Variants in ALK observed in about 807,000 individuals in gnomAD.
ALK encodes ALK receptor tyrosine kinase, also known as ALK tyrosine kinase receptor.
Under a neutral mutation model 163.1 loss-of-function variants are expected in ALK, and 74 were observed. The ratio of observed to expected loss-of-function variants is 0.45; its 90% CI spans 0.38 to 0.55. ALK has a LOEUF of 0.55. ALK is among the 20% of genes least tolerant of loss of function. The pLI is 0.00. For missense variants in ALK, 2,063 were observed against 2,105.3 expected, an observed-to-expected ratio of 0.98 and a Z score of 0.39; for synonymous variants, 960 against 843.2, an observed-to-expected ratio of 1.14 and a Z score of -2.40.
intron 1 of ALK, among the ~76,000 whole-genome samples, chr2:29,788,922 G>C (rs937923033): frequency 1.3e-5 from 2 of 152,014 alleles, no homozygotes; most frequent in Non-Finnish European, 2.9e-5. Context: ...GAAGGTAAAA[G>C]AGTTAGTAGA....
chr2:29,900,876 G>A (rs937595260), intron 1 of ALK, among the ~76,000 whole-genome samples: 1 of 152,208 alleles, frequency 6.6e-6, no homozygotes, highest in African/African-American at 2.4e-5. Flanking sequence ...GACAAGGGAA[G>A]TGAGTGACAG....
intron 26 of ALK, among the ~76,000 whole-genome samples, chr2:29,203,627 C>T (rs2148148911): frequency 6.6e-6 from 1 of 150,614 alleles, no homozygotes; most frequent in Admixed American, 6.7e-5. Context: ...GCTGGGATTA[C>T]AGGCACCCGC....
intron 16 of ALK, among the ~76,000 whole-genome samples, chr2:29,228,115 C>G (rs1280624551): frequency 6.6e-6 from 1 of 152,184 alleles, no homozygotes; most frequent in African/African-American, 2.4e-5. Context: ...CCCTGAGGCT[C>G]CCGTCCCTCC....
At chr2:29,830,302 G>A (rs1220998628) in intron 1 of ALK, among the ~76,000 whole-genome samples, 1 of 152,146 alleles carries the variant, frequency 6.6e-6, no homozygotes, top group Non-Finnish European at 1.5e-5. Flanking sequence ...CAAAAAGTAG[G>A]GTTGTTGCTA....
At chr2:29,295,119 G>T (rs1666137546) in intron 9 of ALK, among the ~76,000 whole-genome samples, 1 of 152,160 alleles carries the variant, frequency 6.6e-6, no homozygotes, top group Admixed American at 6.5e-5. Flanking sequence ...ATCAAACCAA[G>T]CTGTCTTTTG....
chr2:29,322,356 C>T (rs1470804692), intron 6 of ALK, among the ~76,000 whole-genome samples: 1 of 151,954 alleles, frequency 6.6e-6, no homozygotes, highest in Non-Finnish European at 1.5e-5. Context: ...CATTTATACC[C>T]CCCTGAAGAA....
chr2:29,774,749 C>T (rs1372224237), intron 1 of ALK, among the ~76,000 whole-genome samples: 1 of 152,172 alleles, frequency 6.6e-6, no homozygotes, highest in African/African-American at 2.4e-5. Context: ...AGGCACCACT[C>T]TAGACCAGAC....
At chr2:29,874,397 A>G (rs1572457617) in intron 1 of ALK, among the ~76,000 whole-genome samples, 1 of 152,312 alleles carries the variant, frequency 6.6e-6, no homozygotes, top group Non-Finnish European at 1.5e-5. Flanking sequence ...AATATCAGAT[A>G]AGCCAGATCA....
chr2:29,336,921 A>G (rs777939290), intron 5 of ALK, among the ~76,000 whole-genome samples: 14 of 152,056 alleles, frequency 9.2e-5, no homozygotes, highest in Non-Finnish European at 1.5e-4. Flanking sequence ...TTGCTCTTCA[A>G]TTAAAGTGAG....
At chr2:29,676,084 T>C (rs529497336) in intron 3 of ALK, among the ~76,000 whole-genome samples, 1 of 152,168 alleles carries the variant, frequency 6.6e-6, no homozygotes, top group South Asian at 2.1e-4. Flanking sequence ...GAGTTGTTTA[T>C]ATATTATGGA....
At position 29,383,884 on chromosome 2, in the gene ALK, G is replaced by A. The variant is rs200854177; in HGVS notation, c.1155-25C>T. ...ACTGGTTGCATTGGAAAACAGAGGAGAAAAGCATAGAGAAACAGATATGAG... is the reference window on the plus strand; with the variant it reads ...ACTGGTTGCATTGGAAAACAGAGGAAAAAAGCATAGAGAAACAGATATGAG... On this transcript the variant is annotated intron_variant, in intron 4 of 28. Coordinates refer to ENST00000389048, the MANE Select transcript of ALK (RefSeq NM_004304.5). The A allele has an allele frequency of 5.3e-5, 85 of 1,613,832 alleles. No individual in the cohort carries two copies. In the East Asian group the frequency reaches 1.6e-3, roughly 30 times the overall value.
rs1280298299 is a variant in ALK, at chr2:29,806,178, G to C, written c.668-88481C>G. ...TGGAAAGGCCTGAATCCCTTAGGAT[G>C]GTCTTAAGACTAAGGTAAGAGGTCA... is the stretch of plus-strand genomic sequence containing the variant. On this transcript the variant is annotated intron_variant, in intron 1 of 28. Transcript: ENST00000389048. Among the ~76,000 whole-genome samples, 3 of 152,100 alleles carry C rather than the reference G, an allele frequency of 2.0e-5. No homozygotes were observed. In the East Asian group the frequency reaches 5.8e-4, roughly 29 times the overall value.
intron 4 of ALK, among the ~76,000 whole-genome samples, chr2:29,476,948 C>A (rs1219467694): frequency 1.3e-5 from 2 of 152,166 alleles, no homozygotes; most frequent in Non-Finnish European, 2.9e-5. Context: ...TCAAGGAGAT[C>A]ACCATGCACC....
chr2:29,798,051 C>T (rs1664365765), intron 1 of ALK, among the ~76,000 whole-genome samples: 2 of 152,158 alleles, frequency 1.3e-5, no homozygotes, highest in African/African-American at 4.8e-5. Flanking sequence ...AGGGTGAGCA[C>T]TATTTGGTGT....
chr2:29,842,339 A>C (rs1665723015), intron 1 of ALK, among the ~76,000 whole-genome samples: 1 of 152,244 alleles, frequency 6.6e-6, no homozygotes, highest in Admixed American at 6.5e-5. Flanking sequence ...AAGGAATACA[A>C]GAAAAGCCCC....
intron 3 of ALK, among the ~76,000 whole-genome samples, chr2:29,622,136 G>T (rs574161627): frequency 4.0e-4 from 61 of 152,270 alleles, no homozygotes; most frequent in African/African-American, 1.4e-3. Flanking sequence ...TGAGCCAGTT[G>T]GTAAATCTGA....
At chr2:29,216,780 G>A (rs1229146889) in intron 23 of ALK, among the ~76,000 whole-genome samples, 1 of 151,696 alleles carries the variant, frequency 6.6e-6, no homozygotes, top group South Asian at 2.1e-4. Context: ...TGTGAGGTGT[G>A]TGTGGTGTGT....
At chr2:29,428,322 T>C (rs1311557307) in intron 4 of ALK, among the ~76,000 whole-genome samples, 1 of 151,860 alleles carries the variant, frequency 6.6e-6, no homozygotes, top group Non-Finnish European at 1.5e-5. Flanking sequence ...CAATAAAACT[T>C]AAATTTGTTC....
chr2:29,196,957 T>C (rs2148142288), intron 27 of ALK, 97 bp from the exon 28 acceptor site: 5 of 1,002,740 alleles, frequency 5.0e-6, no homozygotes, highest in Non-Finnish European at 7.7e-6. Context: ...ACGTTGAGGG[T>C]GCGAACTCGT....
Sources: gnomAD v4.1 joint callset for allele counts (sites outside exome capture counted in the v4.1 genomes callset) on GRCh38, gnomAD v4.1.1 for gene constraint, MANE v1.5 for transcripts, NCBI Gene and HGNC (gene_info 2026-07-23, HGNC 2026-07-21) for gene names.